SRRM4: variants seen among roughly 807,000 people sequenced by gnomAD.
SRRM4 encodes the protein serine/arginine repetitive matrix 4.
A neutral mutation model predicts 68.9 loss-of-function variants in SRRM4; 33 were observed. That is an observed-to-expected ratio of 0.48 (90% CI 0.36 to 0.64). The LOEUF is 0.64. Among genes scored for constraint, SRRM4 ranks in the 30% least tolerant of loss-of-function variants. The pLI, the probability that SRRM4 is intolerant of heterozygous loss-of-function variation, is 0.00. For synonymous variants in SRRM4, 318 were observed against 318.8 expected (o/e 1.00, Z 0.03); for missense variants, 817 against 827.1 (o/e 0.99, Z 0.15).
At chr12:119,134,407 GA>G (rs577178034) in intron 8 of SRRM4, among the ~76,000 whole-genome samples, 39 of 138,972 alleles carry the variant, frequency 2.8e-4, no homozygotes, top group Middle Eastern at 3.7e-3. Flanking sequence ...AAGAAGAAAA[GA>G]AAAAAAAAAA....
At chr12:119,086,313 T>C (rs905843302) in intron 1 of SRRM4, among the ~76,000 whole-genome samples, 1 of 152,188 alleles carries the variant, frequency 6.6e-6, no homozygotes, top group African/African-American at 2.4e-5. Context: ...AGTTTCATTG[T>C]GGCTGAGAGA....
At chr12:119,011,619 T>G (rs1196458068) in intron 1 of SRRM4, among the ~76,000 whole-genome samples, 1 of 152,192 alleles carries the variant, frequency 6.6e-6, no homozygotes, top group Non-Finnish European at 1.5e-5. Flanking sequence ...TGTCTAAGAC[T>G]TTGGAAATTA....
chr12:119,080,389 A>G (rs1953940818), intron 1 of SRRM4, among the ~76,000 whole-genome samples: 1 of 152,218 alleles, frequency 6.6e-6, no homozygotes. Context: ...AATGACTAGA[A>G]TATAAGTACT....
chr12:119,147,280 A>C (rs1264592849), intron 9 of SRRM4, among the ~76,000 whole-genome samples: 2 of 152,228 alleles, frequency 1.3e-5, no homozygotes, highest in Non-Finnish European at 2.9e-5. Context: ...GAGAAAGTAC[A>C]AAGATAAGTG....
At chr12:119,120,124 C>A in intron 4 of SRRM4, 126 bp from the exon 5 acceptor site, 1 of 648,172 alleles carries the variant, frequency 1.5e-6, no homozygotes. Flanking sequence ...TTCACCATCC[C>A]TCCCTTTCTT....
At chr12:119,077,153 T>C (rs1263937124) in intron 1 of SRRM4, among the ~76,000 whole-genome samples, 1 of 152,200 alleles carries the variant, frequency 6.6e-6, no homozygotes, top group Non-Finnish European at 1.5e-5. Flanking sequence ...TTATTTTATG[T>C]TGAAAGCTAC....
chr12:119,038,306 G>T (rs1289348134), intron 1 of SRRM4, among the ~76,000 whole-genome samples: 1 of 151,866 alleles, frequency 6.6e-6, no homozygotes, highest in East Asian at 1.9e-4. Context: ...CCGCCTTCCG[G>T]GTTCATGCCA....
At chr12:119,046,036 CAAAATAATAATAATAAAATTA>C (rs1953705561) in intron 1 of SRRM4, among the ~76,000 whole-genome samples, 1 of 151,298 alleles carries the variant, frequency 6.6e-6, no homozygotes, top group Non-Finnish European at 1.5e-5. Context: ...GATTCCATCT[CAAAATAATAATAATAAAATTA>C]AAAATAATAA....
chr12:119,120,338 G>A (rs1344835499), intron 5 of SRRM4, 62 bp downstream of exon 5: 2 of 1,538,666 alleles, frequency 1.3e-6, no homozygotes, highest in East Asian at 2.4e-5. Context: ...GCTTGGGGCA[G>A]CTTCTAGGTC....
intron 1 of SRRM4, among the ~76,000 whole-genome samples, chr12:119,052,344 G>A (rs1384204899): frequency 6.6e-6 from 1 of 152,070 alleles, no homozygotes; most frequent in African/African-American, 2.4e-5. Flanking sequence ...TGTCTCTCTG[G>A]TGATAACTGG....
chr12:118,987,770 A>G (rs942696819), intron 1 of SRRM4, among the ~76,000 whole-genome samples: 2 of 152,186 alleles, frequency 1.3e-5, no homozygotes, highest in African/African-American at 4.8e-5. Flanking sequence ...TTTTTTCGTT[A>G]CTATTTGCCA....
intron 4 of SRRM4, among the ~76,000 whole-genome samples, chr12:119,119,802 G>A (rs1473641001): frequency 1.3e-5 from 2 of 152,000 alleles, no homozygotes; most frequent in African/African-American, 4.8e-5. Flanking sequence ...GAGAGAAGAT[G>A]AGATGGAGAA....
chr12:119,154,383 G>C lies in SRRM4; in HGVS notation c.1532G>C (p.Ser511Thr). 1 of 1,612,728 alleles carries C rather than the reference G, an allele frequency of 6.2e-7. No individual in the cohort carries two copies. Among genetic ancestry groups the C allele is most frequent in the Non-Finnish European group, 8.5e-7 (1 of 1,179,674 alleles). The part of the protein sequence containing the change: ...PSHLEARRIT[S>T]ARKRPIPYYR... ...CACCTGGAGGCCCGGAGGATAACCA[G>C]GTGAGGCCAGGGGGCAAGGGGGACC... The change falls in exon 12 of 13, where the codon AGT becomes ACT. Residue 511 changes from serine to threonine, a missense_variant and splice_region_variant. Physicochemically the swap from Ser to Thr is moderately conservative, Grantham distance 58. Transcript: ENST00000267260. This position sits in a 1 kb window ranked among gnomAD's most constrained non-coding sequence, Gnocchi z 4.7.
chr12:119,080,359 A>G (rs987005198), intron 1 of SRRM4, among the ~76,000 whole-genome samples: 5 of 29,964 alleles, frequency 1.7e-4, no homozygotes, highest in Admixed American at 3.8e-4. Flanking sequence ...TAATTAACAT[A>G]TATATATTGC....
In SRRM4 at chr12:119,129,038, G is replaced by T. The variant is rs143105100; in HGVS notation, c.615-1640G>T. 2.0e-3 allele frequency among the ~76,000 whole-genome samples: 311 copies of T among 152,268 alleles called. 1 individual carries two copies. The highest frequency in any genetic ancestry group is 6.4e-3 in the African/African-American group (268 of 41,566). ...CACAGAGCAGTCAGGGGCACTCCAG[G>T]GCATGAATCCCAGGCGCTAGTTCCT... is the stretch of plus-strand genomic sequence containing the variant. On this transcript the variant is annotated intron_variant, in intron 7 of 12. Coordinates refer to ENST00000267260, the MANE Select transcript of SRRM4 (RefSeq NM_194286.4).
intron 1 of SRRM4, among the ~76,000 whole-genome samples, chr12:118,998,355 A>G: frequency 6.8e-6 from 1 of 146,210 alleles, no homozygotes; most frequent in Non-Finnish European, 1.5e-5. Flanking sequence ...GGAGCACTGT[A>G]TTGAGATGGA....
At chr12:119,095,701 C>A (rs1399864702) in intron 1 of SRRM4, among the ~76,000 whole-genome samples, 1 of 152,118 alleles carries the variant, frequency 6.6e-6, no homozygotes, top group East Asian at 1.9e-4. Context: ...AGAGCCTCTC[C>A]AAACACATAA....
At chr12:119,005,697 T>G (rs1953411942) in intron 1 of SRRM4, among the ~76,000 whole-genome samples, 1 of 152,342 alleles carries the variant, frequency 6.6e-6, no homozygotes, top group East Asian at 1.9e-4. Flanking sequence ...TTATATGCAT[T>G]AATTGCTTAA....
rs542446320 is a variant in SRRM4 at position 119,092,627 on chromosome 12, T to C, written c.132-9609T>C. Among the ~76,000 whole-genome samples, 301 of 152,206 alleles carry C rather than the reference T, an allele frequency of 2.0e-3. 1 individual carries two copies. The highest frequency in any genetic ancestry group is 6.8e-3 in the African/African-American group (282 of 41,538). On this transcript the variant is annotated intron_variant, in intron 1 of 12. Transcript: ENST00000267260. ...AAGTCCATAATCTGGCCACCTCTCA[T>C]CACTACTGCAGAAAAAACACTGACC...
Sources: allele counts gnomAD v4.1 joint callset (sites outside exome capture counted in the v4.1 genomes callset), GRCh38; gene constraint gnomAD v4.1.1; non-coding constraint Gnocchi (gnomAD v3.1); transcripts MANE v1.5; gene names NCBI Gene and HGNC (gene_info 2026-07-23, HGNC 2026-07-21).